DLGAP2: variants seen among roughly 807,000 people sequenced by gnomAD.
DLGAP2 encodes DLG associated protein 2.
DLGAP2 carries 26 observed loss-of-function variants against 100.3 expected under a neutral mutation model. The observed-to-expected ratio is 0.26, with a 90% CI of 0.19 to 0.36. DLGAP2 has a LOEUF of 0.36. Ranked by LOEUF, DLGAP2 falls within the 10% of genes least tolerant of loss-of-function variation. The pLI, the probability that DLGAP2 is intolerant of heterozygous loss-of-function variation, is 1.00. For missense variants in DLGAP2, 1,858 were observed against 1,453.2 expected, an observed-to-expected ratio of 1.28 and a Z score of -4.53; for synonymous variants, 886 against 630.1, an observed-to-expected ratio of 1.41 and a Z score of -6.08.
intron 2 of DLGAP2, among the ~76,000 whole-genome samples, chr8:1,027,484 A>T (rs1485076427): frequency 2.7e-5 from 4 of 148,150 alleles, no homozygotes; most frequent in African/African-American, 1.0e-4. Context: ...GGCGCCCATT[A>T]TTCTCCAGGT....
rs375865373 is a variant in DLGAP2, at chr8:1,696,804, C to T, written c.2797-343C>T. Among the ~76,000 whole-genome samples the T allele has an allele frequency of 5.3e-5, 8 of 152,340 alleles. No homozygotes were observed. In the East Asian group the frequency reaches 9.6e-4, roughly 18 times the overall value. ...CCAATACCACGGCAGGCTCACGGAG[C>T]CCTGTCCCTTCCGAATCATCCACAG... On this transcript the variant is annotated intron_variant, in intron 13 of 14. Transcript: ENST00000637795.
In DLGAP2 at chr8:1,497,302, G is replaced by T. The variant is rs563254623; in HGVS notation, c.107-4064G>T. Among the ~76,000 whole-genome samples, 17 of 152,336 alleles carry T rather than the reference G, an allele frequency of 1.1e-4. No homozygotes were observed. In the East Asian group the frequency reaches 3.3e-3, roughly 29 times the overall value. ...CAGCACCGATCAGCCTCACACATGG[G>T]ATGGGATAGCGTCCAGCCTCTCCCT... On this transcript the variant is annotated intron_variant, in intron 3 of 14. Transcript: ENST00000637795.
chr8:1,311,496 A>T (rs930539004), intron 3 of DLGAP2, among the ~76,000 whole-genome samples: 4 of 152,240 alleles, frequency 2.6e-5, no homozygotes, highest in African/African-American at 9.6e-5. Context: ...CACAAACCAT[A>T]TCCCTTATCA....
intron 4 of DLGAP2, among the ~76,000 whole-genome samples, chr8:1,515,818 C>T (rs1418621180): frequency 6.6e-6 from 1 of 152,254 alleles, no homozygotes; most frequent in African/African-American, 2.4e-5. Flanking sequence ...CTGTTCCCTG[C>T]TCCCATTCCC....
intron 3 of DLGAP2, among the ~76,000 whole-genome samples, chr8:1,442,696 C>G (rs898144650): frequency 6.9e-6 from 1 of 145,788 alleles, no homozygotes; most frequent in Non-Finnish European, 1.5e-5. Flanking sequence ...GTGGGTTCAT[C>G]CACTGGAGGA....
In DLGAP2 at chr8:1,410,808, A is replaced by G. The variant is rs1215198118; in HGVS notation, c.107-90558A>G. 2.0e-5 allele frequency among the ~76,000 whole-genome samples: 3 copies of G among 151,106 alleles called. No individual in the cohort carries two copies. The East Asian group carries it at 5.8e-4, about 29-fold the overall frequency. On this transcript the variant is annotated intron_variant, in intron 3 of 14. Coordinates refer to ENST00000637795, the MANE Select transcript of DLGAP2 (RefSeq NM_001346810.2). The stretch of plus-strand genomic sequence containing the variant: ...ATTATGGCCACCTTTCCCTGTGGGA[A>G]TGTCCTTGCTTCACTCTGGAGCCAT...
intron 2 of DLGAP2, among the ~76,000 whole-genome samples, chr8:1,205,617 C>T (rs955291334): frequency 2.6e-5 from 4 of 152,152 alleles, no homozygotes; most frequent in African/African-American, 7.2e-5. Flanking sequence ...GGACGTGGTG[C>T]GTGAACCAGC....
At chr8:1,600,200 C>T (rs907780898) in intron 6 of DLGAP2, among the ~76,000 whole-genome samples, 1 of 152,234 alleles carries the variant, frequency 6.6e-6, no homozygotes, top group Middle Eastern at 3.4e-3. Context: ...AATATTGGCA[C>T]CCACCCTCTT....
chr8:861,489 G>A (rs1281051236), intron 1 of DLGAP2, among the ~76,000 whole-genome samples: 1 of 152,162 alleles, frequency 6.6e-6, no homozygotes, highest in Non-Finnish European at 1.5e-5. Context: ...AACATTTCAT[G>A]GATCCGTAGC....
intron 1 of DLGAP2, among the ~76,000 whole-genome samples, chr8:821,501 G>T (rs955616757): frequency 5.3e-5 from 8 of 152,260 alleles, no homozygotes; most frequent in Non-Finnish European, 8.8e-5. Flanking sequence ...GAAAAAATGA[G>T]CTGGGAATTT....
chr8:1,270,255 C>T lies in DLGAP2; in HGVS notation c.106+11372C>T, dbSNP rs183781835. Among the ~76,000 whole-genome samples the T allele has an allele frequency of 5.3e-5, 8 of 152,262 alleles. No homozygotes were observed. The East Asian group carries it at 1.4e-3, about 26-fold the overall frequency. ...CTGTGAACCGTATACACAGAAGGGA[C>T]TTGGATCAACAGAGGAGCAACGTCT... On this transcript the variant is annotated intron_variant, in intron 3 of 14. Transcript: ENST00000637795.
chr8:1,672,113 C>T (rs1228843610), intron 10 of DLGAP2, among the ~76,000 whole-genome samples: 4 of 152,176 alleles, frequency 2.6e-5, no homozygotes, highest in African/African-American at 4.8e-5. Context: ...CCAGATACTG[C>T]GGTTAGGAGG....
intron 2 of DLGAP2, among the ~76,000 whole-genome samples, chr8:964,850 A>T (rs959199075): frequency 6.6e-6 from 1 of 152,196 alleles, no homozygotes; most frequent in Non-Finnish European, 1.5e-5. Context: ...TGGCCTTGCG[A>T]TGGCCTTTGG....
At chr8:738,514 C>A (rs1036666441) in intron 1 of DLGAP2, 7 of 152,304 alleles carry the variant, frequency 4.6e-5, no homozygotes, top group African/African-American at 1.4e-4. Flanking sequence ...CGCTACCCAG[C>A]GCAGGGTTTT....
At chr8:996,987 C>G (rs187946440) in intron 2 of DLGAP2, among the ~76,000 whole-genome samples, 15 of 152,290 alleles carry the variant, frequency 9.8e-5, no homozygotes, top group South Asian at 6.2e-4. Context: ...TTAATCTTAT[C>G]TCATGTGGAC....
At chr8:1,290,954 C>T (rs1477540642) in intron 3 of DLGAP2, among the ~76,000 whole-genome samples, 2 of 152,146 alleles carry the variant, frequency 1.3e-5, no homozygotes, top group African/African-American at 4.8e-5. Context: ...TGTACAACCA[C>T]CTCCCCCATC....
chr8:1,275,782 A>AG (rs1799671551), intron 3 of DLGAP2, among the ~76,000 whole-genome samples: 1 of 128,722 alleles, frequency 7.8e-6, no homozygotes, highest in African/African-American at 3.0e-5. Context: ...TATATATAAA[A>AG]ATATATAATA....
chr8:1,436,527 C>A (rs1797634703), intron 3 of DLGAP2, among the ~76,000 whole-genome samples: 1 of 152,198 alleles, frequency 6.6e-6, no homozygotes, highest in Non-Finnish European at 1.5e-5. Context: ...TCACAGACAA[C>A]CCAGGACAAT....
chr8:1,655,139 G>C (rs1798255125), intron 8 of DLGAP2, among the ~76,000 whole-genome samples: 1 of 152,212 alleles, frequency 6.6e-6, no homozygotes, highest in Non-Finnish European at 1.5e-5. Flanking sequence ...CCCAGAACTT[G>C]TGGGACCCAC....
Sources: gnomAD v4.1 joint callset for allele counts (sites outside exome capture counted in the v4.1 genomes callset) on GRCh38, gnomAD v4.1.1 for gene constraint, MANE v1.5 for transcripts, NCBI Gene and HGNC (gene_info 2026-07-23, HGNC 2026-07-21) for gene names.